The following ZSWIM6 variants were observed in gnomAD, a reference collection of about 807,000 sequenced individuals.
ZSWIM6 encodes the protein zinc finger SWIM-type containing 6.
A neutral mutation model predicts 113.2 loss-of-function variants in ZSWIM6; 9 were observed. That is an observed-to-expected ratio of 0.08 (90% CI 0.05 to 0.14). The LOEUF (loss-of-function observed/expected upper bound fraction) is 0.14, where lower values mean the gene tolerates loss of function less well. Among genes scored for constraint, ZSWIM6 ranks in the 10% least tolerant of loss-of-function variants. The pLI is 1.00. For missense variants in ZSWIM6, 1,162 were observed against 1,552.2 expected (o/e 0.75, Z 4.22); for synonymous variants, 611 against 606.5 (o/e 1.01, Z -0.11).
chr5:61,383,614 C>T (rs889579834), intron 1 of ZSWIM6, among the ~76,000 whole-genome samples: 1 of 151,960 alleles, frequency 6.6e-6, no homozygotes, highest in African/African-American at 2.4e-5. Context: ...CAACTCACTG[C>T]AACCTCCGCC....
intron 1 of ZSWIM6, among the ~76,000 whole-genome samples, chr5:61,384,784 G>A (rs1745559775): frequency 6.6e-6 from 1 of 152,068 alleles, no homozygotes; most frequent in Non-Finnish European, 1.5e-5. Flanking sequence ...GAGGCCGGGC[G>A]CGGTGGGTCA....
chr5:61,526,626 T>A (rs1749291701), intron 7 of ZSWIM6, among the ~76,000 whole-genome samples: 1 of 152,218 alleles, frequency 6.6e-6, no homozygotes, highest in Non-Finnish European at 1.5e-5. Flanking sequence ...GTTACTTTTT[T>A]AAGGGGGATA....
At chr5:61,453,800 A>T (rs1747140090) in intron 1 of ZSWIM6, among the ~76,000 whole-genome samples, 1 of 151,876 alleles carries the variant, frequency 6.6e-6, no homozygotes, top group Non-Finnish European at 1.5e-5. Context: ...CACCTACAGG[A>T]GGAGGAGTAT....
In ZSWIM6 at chr5:61,422,148, G is replaced by C. The variant is rs567765556; in HGVS notation, c.677-50533G>C. Among the ~76,000 whole-genome samples, 4 of 152,302 alleles carry C rather than the reference G, an allele frequency of 2.6e-5. No homozygotes were observed. The South Asian group carries it at 8.3e-4, about 32-fold the overall frequency. On this transcript the variant is annotated intron_variant, in intron 1 of 13. Transcript: ENST00000252744. ...ACTCAATAAATCTTTGCCCAGCCCAGTGTCCTGGAGAGTTTCCCCAAAGTT... is the reference window on the plus strand; with the variant it reads ...ACTCAATAAATCTTTGCCCAGCCCACTGTCCTGGAGAGTTTCCCCAAAGTT...
At position 61,543,993 on chromosome 5, in the gene ZSWIM6, G is replaced by A; in HGVS notation, c.3324G>A (p.Leu1108=). Residue 1108 remains leucine, a synonymous_variant, in exon 14 of 14, where the codon TTG becomes TTA. Coordinates refer to ENST00000252744, the MANE Select transcript of ZSWIM6 (RefSeq NM_020928.2). The surrounding 1 kb of genome is among the most constrained non-coding windows in gnomAD (Gnocchi z 4.3). ...VKCATVLSDI[L]RRCTLTTPGM... ...GTGCAACGGTACTGTCAGACATTTT[G>A]CGCAGATGCACTCTGACCACTCCTG... The A allele has an allele frequency of 1.3e-6, 2 of 1,551,922 alleles. No homozygotes were observed. Among genetic ancestry groups the A allele is most frequent in the Non-Finnish European group, 1.7e-6 (2 of 1,147,032 alleles).
At chr5:61,334,264 A>AT (rs1438930109) in intron 1 of ZSWIM6, among the ~76,000 whole-genome samples, 2 of 152,072 alleles carry the variant, frequency 1.3e-5, no homozygotes, top group African/African-American at 4.8e-5. Flanking sequence ...TTTTTCAGCC[A>AT]TAGCGATGGG....
chr5:61,332,347 G>GGCGGC lies in ZSWIM6; in HGVS notation c.76_77insCGGCG (p.Gly26AlafsTer86), dbSNP rs1744267594. On this transcript the variant is annotated frameshift_variant, in exon 1 of 14. Coordinates refer to ENST00000252744, the MANE Select transcript of ZSWIM6 (RefSeq NM_020928.2). LOFTEE classifies it high-confidence loss of function. Reference sequence around the variant, plus strand: ...GGCCGGGCGGCGGCGGCGGCGGCGGGGGCAGCAGCGGCGGCGGCGGCGGCG... The same window carrying GGCGGC: ...GGCCGGGCGGCGGCGGCGGCGGCGGGGCGGCGGCAGCAGCGGCGGCGGCGGCGGCG... The GGCGGC allele has an allele frequency of 2.1e-6, 2 of 966,576 alleles. No homozygotes were observed. Among genetic ancestry groups the GGCGGC allele is most frequent in the African/African-American group, 3.6e-5 (2 of 56,024 alleles). 59.9% of individuals were successfully genotyped at this position (966,576 alleles called of 1,614,324 possible).
At chr5:61,395,620 A>G (rs548974300) in intron 1 of ZSWIM6, among the ~76,000 whole-genome samples, 102 of 152,330 alleles carry the variant, frequency 6.7e-4, no homozygotes, top group African/African-American at 2.3e-3. Flanking sequence ...TCAAAAATTA[A>G]AAAACACTTG....
intron 1 of ZSWIM6, among the ~76,000 whole-genome samples, chr5:61,451,871 A>G (rs987488242): frequency 5.9e-5 from 9 of 152,214 alleles, no homozygotes; most frequent in African/African-American, 2.2e-4. Flanking sequence ...AGGATGTGCT[A>G]TAAGTTAAAA....
intron 1 of ZSWIM6, among the ~76,000 whole-genome samples, chr5:61,448,238 A>G (rs550924767): frequency 6.6e-6 from 1 of 152,266 alleles, no homozygotes; most frequent in Non-Finnish European, 1.5e-5. Flanking sequence ...TGAGTTTCCT[A>G]TTTTCCAAAG....
intron 1 of ZSWIM6, among the ~76,000 whole-genome samples, chr5:61,393,126 G>A (rs552948947): frequency 6.6e-6 from 1 of 151,866 alleles, no homozygotes; most frequent in East Asian, 1.9e-4. Flanking sequence ...TGCAACCTCC[G>A]CCTCCCAGGT....
intron 1 of ZSWIM6, among the ~76,000 whole-genome samples, chr5:61,343,568 G>A (rs1308820404): frequency 2.0e-5 from 3 of 152,130 alleles, no homozygotes; most frequent in Non-Finnish European, 4.4e-5. Flanking sequence ...GTACTGTGTA[G>A]GGATTCTGTA....
chr5:61,430,631 G>A (rs1237812487), intron 1 of ZSWIM6, among the ~76,000 whole-genome samples: 115 of 152,264 alleles, frequency 7.6e-4, no homozygotes, highest in African/African-American at 2.5e-3. Context: ...AGGGCTGACT[G>A]CAGGAACTTG....
chr5:61,476,985 A>T (rs1339242779), intron 2 of ZSWIM6, among the ~76,000 whole-genome samples: 1 of 152,222 alleles, frequency 6.6e-6, no homozygotes, highest in Non-Finnish European at 1.5e-5. Flanking sequence ...ATAAAAAAAG[A>T]TAACTGACCT....
chr5:61,526,406 A>C lies in ZSWIM6; in HGVS notation c.1837+10A>C. On this transcript the variant is annotated intron_variant, in intron 7 of 13. Transcript: ENST00000252744. Reference sequence around the variant, plus strand: ...CGAACCCAAAAAAAAGGTGAATGTGAAGGAGTTTGTTTCCATTGGAATGGG... The same window carrying C: ...CGAACCCAAAAAAAAGGTGAATGTGCAGGAGTTTGTTTCCATTGGAATGGG... 6.4e-7 allele frequency: 1 copy of C among 1,551,898 alleles called. No homozygotes were observed. The highest frequency in any genetic ancestry group is 8.7e-7 in the Non-Finnish European group (1 of 1,146,942).
chr5:61,355,664 A>G (rs1744891603), intron 1 of ZSWIM6, among the ~76,000 whole-genome samples: 1 of 152,204 alleles, frequency 6.6e-6, no homozygotes, highest in South Asian at 2.1e-4. Flanking sequence ...CAGTAAAGAG[A>G]CTGGCAAATT....
At chr5:61,501,873 C>A (rs1425605778) in intron 4 of ZSWIM6, among the ~76,000 whole-genome samples, 1 of 152,176 alleles carries the variant, frequency 6.6e-6, no homozygotes, top group Non-Finnish European at 1.5e-5. Context: ...ATAAGGTGTC[C>A]TCTTCTTTCT....
Position 61,543,465 on chromosome 5 carries a change from C to T in ZSWIM6, c.2796C>T (p.Ala932=). The change falls in exon 14 of 14, where the codon GCC becomes GCT. Residue 932 remains alanine, a synonymous_variant. Coordinates refer to ENST00000252744, the MANE Select transcript of ZSWIM6 (RefSeq NM_020928.2). The surrounding 1 kb of genome is among the most constrained non-coding windows in gnomAD (Gnocchi z 4.3). The stretch of plus-strand genomic sequence containing the variant: ...TTGTGTTCCTTGCAGGGGTTTATGC[C>T]CTGGACAGCATCATGCAGACCTGGT... ...VTCATEVGVY[A]LDSIMQTWFT... 1 of 1,549,986 alleles carries T rather than the reference C, an allele frequency of 6.5e-7. No homozygotes were observed. The highest frequency in any genetic ancestry group is 8.7e-7 in the Non-Finnish European group (1 of 1,146,474).
chr5:61,360,754 C>A (rs983395264), intron 1 of ZSWIM6, among the ~76,000 whole-genome samples: 2 of 152,152 alleles, frequency 1.3e-5, no homozygotes, highest in Non-Finnish European at 2.9e-5. Context: ...ATAGCCAATA[C>A]AATGGGTTAT....
Sources: allele counts gnomAD v4.1 joint callset (sites outside exome capture counted in the v4.1 genomes callset), GRCh38; gene constraint gnomAD v4.1.1; non-coding constraint Gnocchi (gnomAD v3.1); transcripts MANE v1.5; gene names NCBI Gene and HGNC (gene_info 2026-07-23, HGNC 2026-07-21).